RTL4: variants seen among roughly 807,000 people sequenced by gnomAD.
RTL4 encodes the protein retrotransposon Gag like 4.
RTL4 carries 4 observed loss-of-function variants against 5.3 expected under a neutral mutation model. That is an observed-to-expected ratio of 0.75 (90% CI 0.37 to 1.72). The LOEUF (loss-of-function observed/expected upper bound fraction) is 1.72. Ranked by LOEUF, RTL4 falls within the 40% of genes most tolerant of loss-of-function variation. RTL4 has a pLI of 0.04. For synonymous variants in RTL4, 98 were observed against 87.3 expected, an observed-to-expected ratio of 1.12 and a Z score of -0.68; for missense variants, 260 against 227.1, an observed-to-expected ratio of 1.14 and a Z score of -0.93.
the RTL4 span, among the ~76,000 whole-genome samples, chrX:112,178,911 A>T: frequency 3.8e-4 from 42 of 111,065 alleles, no homozygotes; most frequent in South Asian, 5.3e-3. Context: ...TTGTCAATTT[A>T]AAAAAAAAGA....
At chrX:112,262,420 G>A in the RTL4 span, among the ~76,000 whole-genome samples, 18 of 112,330 alleles carry the variant, frequency 1.6e-4, no homozygotes, top group Non-Finnish European at 3.2e-4. Flanking sequence ...AGACATTTAT[G>A]CAGCCAACAG....
chrX:112,091,349 G>C, the RTL4 span, among the ~76,000 whole-genome samples: 10 of 111,232 alleles, frequency 9.0e-5, no homozygotes, highest in East Asian at 1.7e-3. Flanking sequence ...TATTAATTTA[G>C]GTGTTCTTTT....
the RTL4 span, among the ~76,000 whole-genome samples, chrX:112,334,162 C>A: frequency 8.9e-6 from 1 of 111,884 alleles, no homozygotes; most frequent in Non-Finnish European, 1.9e-5. Flanking sequence ...AGTAGTACTA[C>A]ATTGTGTATA....
chrX:112,118,721 G>A, the RTL4 span, among the ~76,000 whole-genome samples: 6 of 111,734 alleles, frequency 5.4e-5, no homozygotes, highest in Admixed American at 5.7e-4. Flanking sequence ...ACATATTTAT[G>A]AGTATGAAGA....
At chrX:112,350,745 ATTC>A in the RTL4 span, among the ~76,000 whole-genome samples, 70 of 109,349 alleles carry the variant, frequency 6.4e-4, 1 homozygote, top group Middle Eastern at 9.5e-3. Flanking sequence ...CGTCTATGTG[ATTC>A]TTCTCTCTTT....
chrX:112,328,877 T>A, the RTL4 span, among the ~76,000 whole-genome samples: 1 of 111,683 alleles, frequency 9.0e-6, no homozygotes, highest in East Asian at 2.8e-4. Context: ...CTCAACTACA[T>A]GGAAACTGAA....
At chrX:112,319,638 T>C in the RTL4 span, among the ~76,000 whole-genome samples, 1 of 111,849 alleles carries the variant, frequency 8.9e-6, no homozygotes, top group Non-Finnish European at 1.9e-5. Flanking sequence ...CTTATGCCTC[T>C]TTCCATCAAT....
the RTL4 span, among the ~76,000 whole-genome samples, chrX:112,309,610 T>A: frequency 8.4e-5 from 9 of 107,712 alleles, no homozygotes; most frequent in African/African-American, 2.7e-4. Flanking sequence ...TACCTCAGCC[T>A]CCCAAGTAGC....
the RTL4 span, among the ~76,000 whole-genome samples, chrX:112,374,036 T>C: frequency 9.0e-6 from 1 of 111,417 alleles, no homozygotes; most frequent in African/African-American, 3.3e-5. Flanking sequence ...AGGAAATTTA[T>C]CAATCATTTC....
At chrX:112,357,649 A>G in the RTL4 span, among the ~76,000 whole-genome samples, 3,703 of 112,086 alleles carry the variant, frequency 0.033, 184 homozygotes, top group African/African-American at 0.11. Flanking sequence ...AGCTTAAAAC[A>G]TCAAGCATGC....
At chrX:112,186,961 G>C in the RTL4 span, among the ~76,000 whole-genome samples, 4 of 111,919 alleles carry the variant, frequency 3.6e-5, no homozygotes, top group Non-Finnish European at 7.5e-5. Flanking sequence ...TGAGAGGAGA[G>C]AGAAGTCAAG....
At chrX:112,299,141 G>A in the RTL4 span, among the ~76,000 whole-genome samples, 1 of 111,252 alleles carries the variant, frequency 9.0e-6, no homozygotes, top group Non-Finnish European at 1.9e-5. Flanking sequence ...GGACATTGTG[G>A]CGTACTGACG....
Position 112,455,083 on chromosome X carries a change from A to T in RTL4, c.355A>T (p.Ser119Cys), listed in dbSNP as rs777546457. ...TGGGATCATATCTGGGCCTGACAAG[A>T]GTACCTTACTGAAGCAATATGAGAA... is the stretch of plus-strand genomic sequence containing the variant. Residue 119 changes from serine (S) to cysteine (C), a missense_variant, in exon 1 of 1, where the codon AGT becomes TGT. Ser to Cys is a moderately radical substitution (Grantham distance 112, BLOSUM62 -1). Coordinates refer to ENST00000340433, the Ensembl canonical transcript of RTL4. 13 of 1,210,084 alleles carry T rather than the reference A, an allele frequency of 1.1e-5. No homozygotes were observed. Among genetic ancestry groups the T allele is most frequent in the Non-Finnish European group, 1.5e-5 (13 of 895,273 alleles).
At chrX:112,253,204 A>C in the RTL4 span, among the ~76,000 whole-genome samples, 9 of 111,461 alleles carry the variant, frequency 8.1e-5, no homozygotes, top group African/African-American at 2.9e-4. Context: ...TGTTTGCCAT[A>C]GGTACTACCT....
chrX:112,118,075 A>G, the RTL4 span, among the ~76,000 whole-genome samples: 2 of 112,026 alleles, frequency 1.8e-5, no homozygotes, highest in Admixed American at 9.5e-5. Flanking sequence ...TAATTGAGAG[A>G]ACAAGTTCCA....
chrX:112,207,954 C>T, the RTL4 span, among the ~76,000 whole-genome samples: 4 of 110,554 alleles, frequency 3.6e-5, no homozygotes, highest in African/African-American at 1.3e-4. Flanking sequence ...ACACCAGAGA[C>T]CCTACATAAA....
the RTL4 span, among the ~76,000 whole-genome samples, chrX:112,282,096 T>A: frequency 8.9e-6 from 1 of 112,344 alleles, no homozygotes; most frequent in Admixed American, 9.4e-5. Context: ...CCTGTTTTCT[T>A]GTAATAGTTT....
At chrX:112,120,299 C>T in the RTL4 span, among the ~76,000 whole-genome samples, 92 of 112,252 alleles carry the variant, frequency 8.2e-4, no homozygotes, top group Admixed American at 8.5e-4. Context: ...GTTTTTGAGA[C>T]GGAGTCTGGC....
chrX:112,316,482 G>A, the RTL4 span, among the ~76,000 whole-genome samples: 1 of 111,353 alleles, frequency 9.0e-6, no homozygotes, highest in Non-Finnish European at 1.9e-5. Flanking sequence ...ATTTAATGGG[G>A]ACAATGTTTC....
Sources: allele counts gnomAD v4.1 joint callset (sites outside exome capture counted in the v4.1 genomes callset), GRCh38; gene constraint gnomAD v4.1.1; transcripts MANE v1.5; gene names NCBI Gene and HGNC (gene_info 2026-07-23, HGNC 2026-07-21).